The following ADCYAP1R1 variants were observed in gnomAD, a reference collection of about 807,000 sequenced individuals.
The protein encoded by ADCYAP1R1 is ADCYAP receptor type I, also known as pituitary adenylate cyclase-activating polypeptide type I receptor.
ADCYAP1R1 carries 44 observed loss-of-function variants against 67.6 expected under a neutral mutation model. The ratio of observed to expected loss-of-function variants is 0.65; its 90% confidence interval spans 0.51 to 0.84. ADCYAP1R1 has a LOEUF of 0.84. Ranked by LOEUF, ADCYAP1R1 falls within the 40% of genes least tolerant of loss-of-function variation. The pLI is 0.00. For synonymous variants in ADCYAP1R1, 222 were observed against 219.6 expected, an observed-to-expected ratio of 1.01 and a Z score of -0.10; for missense variants, 477 against 587.9, an observed-to-expected ratio of 0.81 and a Z score of 1.95.
In ADCYAP1R1 at chr7:31,106,671, A is replaced by G. The variant is rs1796662895; in HGVS notation, c.1394A>G (p.Asn465Ser). Residue 465 changes from asparagine (N) to serine (S), a missense_variant, in exon 16 of 16, where the codon AAT becomes AGT. Transcript: ENST00000304166. ...QIRMSGLPAD[N>S]LAT is the part of the protein sequence containing the mutation. Reference sequence around the variant, plus strand: ...CGCATGTCTGGCCTCCCTGCTGACAATCTGGCCACCTGAGCCATGCTCCCC... The same window carrying G: ...CGCATGTCTGGCCTCCCTGCTGACAGTCTGGCCACCTGAGCCATGCTCCCC... The G allele has an allele frequency of 1.2e-6, 2 of 1,608,724 alleles. No individual in the cohort carries two copies. Among genetic ancestry groups the G allele is most frequent in the Admixed American group, 1.7e-5 (1 of 59,554 alleles).
chr7:31,110,714 C>G lies in ADCYAP1R1; in HGVS notation c.*4030C>G, dbSNP rs1025972024. On this transcript the variant is annotated 3_prime_UTR_variant, in exon 16 of 16. Transcript: ENST00000304166. ...GGTGTGGGGAGACCTACTTTTTAAC[C>G]TGGGCTTAGCCACCTGCTCTGTGAT... is the stretch of plus-strand genomic sequence containing the variant. 2.0e-5 allele frequency: 3 copies of G among 152,566 alleles called. No homozygotes were observed. Among genetic ancestry groups the G allele is most frequent in the Admixed American group, 2.0e-4 (3 of 15,284 alleles). 9.5% of individuals were successfully genotyped at this position (152,566 alleles called of 1,614,324 possible). A position where few individuals can be genotyped will look rare whatever the true frequency, so the allele number is the denominator to read the frequency against.
intron 3 of ADCYAP1R1, among the ~76,000 whole-genome samples, chr7:31,074,264 CT>C (rs1164452598): frequency 6.6e-6 from 1 of 152,184 alleles, no homozygotes; most frequent in Non-Finnish European, 1.5e-5. Flanking sequence ...GCTTCCGGTG[CT>C]AATGCTGAGT....
At position 31,106,864 on chromosome 7, in the gene ADCYAP1R1, A is replaced by T. The variant is rs1269640819; in HGVS notation, c.*180A>T. On this transcript the variant is annotated 3_prime_UTR_variant, in exon 16 of 16. Transcript: ENST00000304166. ...GGAATTGTCCCCTCCTTGTTTTGGT[A>T]CTGGTCCCACCCACTGTGGTCCCCT... 3 of 737,618 alleles carry T rather than the reference A, an allele frequency of 4.1e-6. No homozygotes were observed. The highest frequency in any genetic ancestry group is 6.3e-6 in the Non-Finnish European group (3 of 472,712). The allele number at this position is 737,618 out of a possible 1,614,324, so 45.7% of individuals were successfully genotyped here.
At chr7:31,089,303 T>C (rs1447275227) in intron 12 of ADCYAP1R1, among the ~76,000 whole-genome samples, 1 of 152,176 alleles carries the variant, frequency 6.6e-6, no homozygotes, top group Non-Finnish European at 1.5e-5. Flanking sequence ...AAAATAAATT[T>C]TGCTCTTTCT....
At chr7:31,087,884 C>A (rs770539353) in intron 12 of ADCYAP1R1, among the ~76,000 whole-genome samples, 188 bp downstream of exon 12, 4 of 152,196 alleles carry the variant, frequency 2.6e-5, no homozygotes, top group African/African-American at 9.7e-5. Flanking sequence ...TATATTGTCC[C>A]ATTTTTTCCT....
chr7:31,054,567 A>T (rs1371105722), intron 1 of ADCYAP1R1, among the ~76,000 whole-genome samples: 2 of 152,210 alleles, frequency 1.3e-5, no homozygotes, highest in Non-Finnish European at 2.9e-5. Context: ...TGTGGCTGAG[A>T]GGCTAGGAAA....
At chr7:31,099,718 G>A (rs4723047) in intron 13 of ADCYAP1R1, among the ~76,000 whole-genome samples, 1 of 151,978 alleles carries the variant, frequency 6.6e-6, no homozygotes, top group Admixed American at 6.6e-5. Context: ...GCAGAAGATC[G>A]GCAGTGTGAG....
intron 3 of ADCYAP1R1, among the ~76,000 whole-genome samples, chr7:31,065,715 G>A (rs1323880236): frequency 6.6e-6 from 1 of 152,156 alleles, no homozygotes; most frequent in Non-Finnish European, 1.5e-5. Context: ...GGGAAGTTGG[G>A]GATTTAGGGG....
At chr7:31,101,145 C>T (rs543940228) in intron 13 of ADCYAP1R1, among the ~76,000 whole-genome samples, 1 of 152,220 alleles carries the variant, frequency 6.6e-6, no homozygotes, top group Non-Finnish European at 1.5e-5. Flanking sequence ...GGCTCCCCAG[C>T]AGAAGTCCCT....
chr7:31,060,197 G>T (rs905825092), intron 1 of ADCYAP1R1, among the ~76,000 whole-genome samples: 1 of 152,174 alleles, frequency 6.6e-6, no homozygotes, highest in Non-Finnish European at 1.5e-5. Context: ...CACAGCAGGG[G>T]CGAGGCCCCT....
chr7:31,058,923 C>A (rs1280022300), intron 1 of ADCYAP1R1, among the ~76,000 whole-genome samples: 1 of 152,190 alleles, frequency 6.6e-6, no homozygotes, highest in Non-Finnish European at 1.5e-5. Flanking sequence ...GTGTGTCGGT[C>A]ACCTCCGCCA....
intron 1 of ADCYAP1R1, among the ~76,000 whole-genome samples, chr7:31,059,765 C>T (rs938698127): frequency 6.6e-5 from 10 of 151,918 alleles, no homozygotes; most frequent in Non-Finnish European, 1.5e-4. Flanking sequence ...TGCAGGGTTG[C>T]GGTGGGGGCA....
At chr7:31,057,887 C>A (rs998584263) in intron 1 of ADCYAP1R1, among the ~76,000 whole-genome samples, 1 of 152,168 alleles carries the variant, frequency 6.6e-6, no homozygotes, top group African/African-American at 2.4e-5. Flanking sequence ...TTCTGGTATC[C>A]AGGCTTGTCC....
intron 13 of ADCYAP1R1, 38 bp downstream of exon 13, chr7:31,092,773 C>T: frequency 6.6e-7 from 1 of 1,520,592 alleles, no homozygotes; most frequent in African/African-American, 1.4e-5. Flanking sequence ...CCATTTCTGA[C>T]AGCCGAGCGG....
Position 31,106,862 on chromosome 7 carries a change from G to A in ADCYAP1R1, c.*178G>A. 1.3e-6 allele frequency: 1 copy of A among 751,404 alleles called. No individual in the cohort carries two copies. Among genetic ancestry groups the A allele is most frequent in the South Asian group, 2.0e-5 (1 of 50,200 alleles). The allele number at this position is 751,404 out of a possible 1,614,324, so 46.5% of individuals were successfully genotyped here. On this transcript the variant is annotated 3_prime_UTR_variant, in exon 16 of 16. Transcript: ENST00000304166. Reference sequence around the variant, plus strand: ...CTGGAATTGTCCCCTCCTTGTTTTGGTACTGGTCCCACCCACTGTGGTCCC... The same window carrying A: ...CTGGAATTGTCCCCTCCTTGTTTTGATACTGGTCCCACCCACTGTGGTCCC...
chr7:31,053,169 G>C (rs1794094893), intron 1 of ADCYAP1R1, among the ~76,000 whole-genome samples: 1 of 152,232 alleles, frequency 6.6e-6, no homozygotes, highest in Admixed American at 6.5e-5. Flanking sequence ...TTTGAGGGGT[G>C]GGCAAGCAAT....
At chr7:31,081,827 AC>A in intron 6 of ADCYAP1R1, 73 bp downstream of exon 6, 2 of 1,298,212 alleles carry the variant, frequency 1.5e-6, no homozygotes, top group Non-Finnish European at 2.1e-6. Flanking sequence ...AGCTTTGAGA[AC>A]CCCATCCCAG....
At chr7:31,087,558 C>T (rs1394470729) in intron 11 of ADCYAP1R1, 69 bp from the exon 12 acceptor site, 2 of 1,402,494 alleles carry the variant, frequency 1.4e-6, no homozygotes, top group East Asian at 4.6e-5. Context: ...CTAGGCAGGG[C>T]AGTGTCCCGC....
chr7:31,082,023 T>C, intron 6 of ADCYAP1R1, among the ~76,000 whole-genome samples: 1 of 152,230 alleles, frequency 6.6e-6, no homozygotes, highest in East Asian at 1.9e-4. Flanking sequence ...GATTGGATGA[T>C]CCTTGACTGT....
Sources: gnomAD v4.1 joint callset for allele counts (sites outside exome capture counted in the v4.1 genomes callset) on GRCh38, gnomAD v4.1.1 for gene constraint, MANE v1.5 for transcripts, NCBI Gene and HGNC (gene_info 2026-07-23, HGNC 2026-07-21) for gene names.